RIMBP2: variants seen among roughly 807,000 people sequenced by gnomAD.
RIMBP2 encodes the protein RIMS-binding protein 2.
Under a neutral mutation model 118.6 loss-of-function variants are expected in RIMBP2, and 48 were observed. That is an observed-to-expected ratio of 0.40 (90% CI 0.32 to 0.51). RIMBP2 has a LOEUF of 0.51. Ranked by LOEUF, RIMBP2 falls within the 20% of genes least tolerant of loss-of-function variation. RIMBP2 has a pLI of 0.41. For missense variants in RIMBP2, 1,551 were observed against 1,768.3 expected, an observed-to-expected ratio of 0.88 and a Z score of 2.20; for synonymous variants, 762 against 742.9, an observed-to-expected ratio of 1.03 and a Z score of -0.42.
chr12:130,553,608 G>A (rs2056052316), intron 2 of RIMBP2, among the ~76,000 whole-genome samples: 1 of 152,190 alleles, frequency 6.6e-6, no homozygotes, highest in African/African-American at 2.4e-5. Context: ...GCCAAGTGTG[G>A]TGGTGCATGC....
chr12:130,412,636 G>A lies in RIMBP2; in HGVS notation c.3572C>T (p.Thr1191Ile), dbSNP rs768797410. 6.8e-6 allele frequency: 11 copies of A among 1,613,954 alleles called. No individual in the cohort carries two copies. The highest frequency in any genetic ancestry group is 1.1e-5 in the South Asian group (1 of 91,064). ...LLRQGFLPLN[T>I]PVEKIERSRR... is the part of the protein sequence containing the mutation. ...GCGCTTACCTATTTTCTCCACAGGT[G>A]TATTCAGAGGGAGAAAGCCCTGTCT... Residue 1191 changes from threonine to isoleucine, a missense_variant, in exon 19 of 23, where the codon ACA becomes ATA. Coordinates refer to ENST00000690449, the MANE Select transcript of RIMBP2 (RefSeq NM_001393629.1).
chr12:130,493,328 T>C (rs991182819), intron 4 of RIMBP2, among the ~76,000 whole-genome samples: 2 of 152,176 alleles, frequency 1.3e-5, no homozygotes, highest in Non-Finnish European at 2.9e-5. Flanking sequence ...TTTTGTTTTG[T>C]TTTTGAGATG....
intron 5 of RIMBP2, among the ~76,000 whole-genome samples, chr12:130,477,441 C>T (rs539874439): frequency 6.5e-4 from 99 of 152,288 alleles, no homozygotes; most frequent in African/African-American, 1.9e-3. Flanking sequence ...CACCCGGCCA[C>T]GGGAAAGGTC....
At chr12:130,540,765 G>A (rs989821523) in intron 2 of RIMBP2, among the ~76,000 whole-genome samples, 6 of 152,174 alleles carry the variant, frequency 3.9e-5, no homozygotes, top group Non-Finnish European at 2.9e-5. Context: ...TGCAGCACCC[G>A]ATTAAACACT....
chr12:130,566,769 A>G (rs920811554), intron 2 of RIMBP2, among the ~76,000 whole-genome samples: 3 of 152,250 alleles, frequency 2.0e-5, no homozygotes, highest in Non-Finnish European at 2.9e-5. Context: ...TGAGATAACC[A>G]GAGTTTGTTC....
intron 6 of RIMBP2, among the ~76,000 whole-genome samples, chr12:130,464,152 C>T (rs1180664634): frequency 6.6e-6 from 1 of 152,154 alleles, no homozygotes; most frequent in Non-Finnish European, 1.5e-5. Flanking sequence ...GAATAGCCCA[C>T]ACTGCTGCTC....
chr12:130,664,415 A>ACGCACGCACACACGCACACACACTCACG (rs1195044326), intron 1 of RIMBP2, among the ~76,000 whole-genome samples: 2 of 130,496 alleles, frequency 1.5e-5, no homozygotes, highest in Non-Finnish European at 3.4e-5. Flanking sequence ...ACGCACGCAC[A>ACGCACGCACACACGCACACACACTCACG]CACACGCACA....
At chr12:130,682,329 A>G (rs2064831915) in intron 1 of RIMBP2, among the ~76,000 whole-genome samples, 1 of 152,218 alleles carries the variant, frequency 6.6e-6, no homozygotes, top group Non-Finnish European at 1.5e-5. Context: ...GCCAGCCCCA[A>G]GATGGAAGAA....
chr12:130,476,572 G>T (rs770374902), intron 5 of RIMBP2, among the ~76,000 whole-genome samples: 1 of 152,160 alleles, frequency 6.6e-6, no homozygotes, highest in East Asian at 1.9e-4. Context: ...CCCTGGATGC[G>T]CTGGGCTGGT....
At chr12:130,639,938 T>A (rs1288679557) in intron 1 of RIMBP2, among the ~76,000 whole-genome samples, 1 of 152,192 alleles carries the variant, frequency 6.6e-6, no homozygotes, top group African/African-American at 2.4e-5. Flanking sequence ...GATCACTCCA[T>A]AAATTCCTGA....
intron 18 of RIMBP2, among the ~76,000 whole-genome samples, chr12:130,413,765 C>CTCCCTT (rs1470548617): frequency 2.6e-5 from 4 of 152,042 alleles, no homozygotes; most frequent in Non-Finnish European, 4.4e-5. Context: ...CCCTTTTTCC[C>CTCCCTT]TCCCTTTCCC....
chr12:130,446,535 A>G lies in RIMBP2; in HGVS notation c.582-1266T>C, dbSNP rs1942087146. On this transcript the variant is annotated intron_variant, in intron 9 of 22. Coordinates refer to ENST00000690449, the MANE Select transcript of RIMBP2 (RefSeq NM_001393629.1). The surrounding 1 kb of genome is among the most constrained non-coding windows in gnomAD (Gnocchi z 4.1). ...ATGGTCAGGGTGCAGAGGTCCAGGA[A>G]CCCAATCCAAGACCCTGACAGCACC... Among the ~76,000 whole-genome samples, 1 of 151,566 alleles carries G rather than the reference A, an allele frequency of 6.6e-6. No homozygotes were observed. Among genetic ancestry groups the G allele is most frequent in the Non-Finnish European group, 1.5e-5 (1 of 68,024 alleles).
At chr12:130,546,707 C>T (rs1163101518) in intron 2 of RIMBP2, among the ~76,000 whole-genome samples, 2 of 152,144 alleles carry the variant, frequency 1.3e-5, no homozygotes, top group Non-Finnish European at 2.9e-5. Flanking sequence ...AGAAGAAGGC[C>T]GGTAAACTGG....
At position 130,450,176 on chromosome 12, in the gene RIMBP2, TG is replaced by T; in HGVS notation, c.581+23del. ...ATCTGCCCCACTCACAGGGGCTCGG[TG>T]GACGCCGAGGGGCCGCACTTACCTA... On this transcript the variant is annotated intron_variant, in intron 9 of 22. Transcript: ENST00000690449. This position sits in a 1 kb window ranked among gnomAD's most constrained non-coding sequence, Gnocchi z 4.8. The T allele has an allele frequency of 6.4e-7, 1 of 1,556,272 alleles. No individual in the cohort carries two copies. Among genetic ancestry groups the T allele is most frequent in the Non-Finnish European group, 8.8e-7 (1 of 1,136,788 alleles).
chr12:130,575,472 C>G (rs1403632211), intron 2 of RIMBP2, among the ~76,000 whole-genome samples: 1 of 152,096 alleles, frequency 6.6e-6, no homozygotes, highest in East Asian at 1.9e-4. Context: ...AAAGTAAAGC[C>G]AAGTCCCCAT....
intron 1 of RIMBP2, among the ~76,000 whole-genome samples, chr12:130,662,150 G>GATTCTCTCCTC (rs77061549): frequency 0.54 from 82,315 of 151,704 alleles, 22,935 homozygotes; most frequent in Non-Finnish European, 0.62. Context: ...ACAAGACCTG[G>GATTCTCTCCTC]GGTCTCCAAC....
Position 130,447,071 on chromosome 12 carries a change from C to CGGAGGA in RIMBP2, c.582-1808_582-1803dup, listed in dbSNP as rs141080486. ...GACACAGAAGCTGGCAGAGTGTTCTCGGAGGAGGAGGAGGAGGAGGAGGGA... is the reference window on the plus strand; with the variant it reads ...GACACAGAAGCTGGCAGAGTGTTCTCGGAGGAGGAGGAGGAGGAGGAGGAGGAGGGA... On this transcript the variant is annotated intron_variant, in intron 9 of 22. Coordinates refer to ENST00000690449, the MANE Select transcript of RIMBP2 (RefSeq NM_001393629.1). This position sits in a 1 kb window ranked among gnomAD's most constrained non-coding sequence, Gnocchi z 4.4. Among the ~76,000 whole-genome samples the CGGAGGA allele has an allele frequency of 5.4e-3, 811 of 149,804 alleles. 11 individuals are homozygous for CGGAGGA. The highest frequency in any genetic ancestry group is 0.019 in the African/African-American group (756 of 40,204).
intron 2 of RIMBP2, among the ~76,000 whole-genome samples, chr12:130,532,963 A>G (rs1201446281): frequency 1.3e-5 from 2 of 150,238 alleles, no homozygotes; most frequent in Non-Finnish European, 3.0e-5. Flanking sequence ...GCGTGTGTGT[A>G]GCCTCTAGGA....
At chr12:130,535,336 T>G (rs927483945) in intron 2 of RIMBP2, among the ~76,000 whole-genome samples, 1 of 113,696 alleles carries the variant, frequency 8.8e-6, no homozygotes, top group African/African-American at 2.7e-5. Context: ...CAGTCTCAAC[T>G]AAAAAATTAA....
Sources: gnomAD v4.1 joint callset for allele counts (sites outside exome capture counted in the v4.1 genomes callset) on GRCh38, gnomAD v4.1.1 for gene constraint, Gnocchi (gnomAD v3.1) non-coding constraint, MANE v1.5 for transcripts, NCBI Gene and HGNC (gene_info 2026-07-23, HGNC 2026-07-21) for gene names.